DRC5: variants seen among roughly 807,000 people sequenced by gnomAD.
DRC5 encodes T-complex-associated testis-expressed protein 1.
the DRC5 span, among the ~76,000 whole-genome samples, chr6:44,285,478 C>T: frequency 5.0e-4 from 76 of 152,210 alleles, 1 homozygote; most frequent in Non-Finnish European, 9.6e-4. Flanking sequence ...CAGGCTTGAA[C>T]TCCGAGGCTC....
the DRC5 span, chr6:44,279,830 A>G: frequency 4.5e-6 from 1 of 220,180 alleles, no homozygotes; most frequent in African/African-American, 2.3e-5. Flanking sequence ...TAGAGAAGAA[A>G]ATGGTGGGGA....
At chr6:44,282,166 G>A in the DRC5 span, 1 of 1,614,212 alleles carries the variant, frequency 6.2e-7, no homozygotes, top group South Asian at 1.1e-5. Context: ...TTGATGGCGA[G>A]CACCTGTGAC....
chr6:44,281,655 G>C, the DRC5 span, among the ~76,000 whole-genome samples: 5 of 152,342 alleles, frequency 3.3e-5, no homozygotes, highest in East Asian at 9.6e-4. Context: ...AAAGTGCTGG[G>C]ATTACAGGCG....
At chr6:44,291,229 T>C in the DRC5 span, among the ~76,000 whole-genome samples, 2 of 152,218 alleles carry the variant, frequency 1.3e-5, no homozygotes. Context: ...TTGCATAAGA[T>C]CAGAGTTGAT....
At chr6:44,279,124 A>C in the DRC5 span, 1 of 152,282 alleles carries the variant, frequency 6.6e-6, no homozygotes, top group Admixed American at 6.5e-5. Flanking sequence ...TGGGCCAATG[A>C]ATCAGCCCAA....
chr6:44,287,844 A>G, the DRC5 span: 2 of 1,609,092 alleles, frequency 1.2e-6, no homozygotes, highest in Non-Finnish European at 1.7e-6. Flanking sequence ...CTGGCAAGGT[A>G]GGGGTGCGTG....
chr6:44,283,379 G>T, the DRC5 span, among the ~76,000 whole-genome samples: 1 of 152,174 alleles, frequency 6.6e-6, no homozygotes, highest in East Asian at 1.9e-4. Flanking sequence ...GGGAGGTGGA[G>T]AAGCAGGAAA....
At chr6:44,295,287 C>CAA in the DRC5 span, among the ~76,000 whole-genome samples, 2 of 152,170 alleles carry the variant, frequency 1.3e-5, no homozygotes, top group Admixed American at 1.3e-4. Flanking sequence ...GCTGCGCTCT[C>CAA]AGAGGGGGAA....
At chr6:44,294,655 G>A in the DRC5 span, among the ~76,000 whole-genome samples, 4 of 150,776 alleles carry the variant, frequency 2.7e-5, no homozygotes, top group African/African-American at 7.3e-5. Context: ...TGAAAGAGGT[G>A]GTTTATAAGA....
At chr6:44,297,493 C>T in the DRC5 span, among the ~76,000 whole-genome samples, 1 of 152,194 alleles carries the variant, frequency 6.6e-6, no homozygotes, top group Non-Finnish European at 1.5e-5. Flanking sequence ...GGGTACGGAC[C>T]GGCGCTTCCC....
the DRC5 span, chr6:44,280,231 GGCT>G: frequency 1.2e-6 from 2 of 1,614,130 alleles, no homozygotes; most frequent in African/African-American, 2.7e-5. Context: ...GACATGAAGT[GGCT>G]GGGATTCAGG....
chr6:44,287,091 TCAGA>T, the DRC5 span: 2 of 629,974 alleles, frequency 3.2e-6, no homozygotes, highest in Non-Finnish European at 4.0e-6. Context: ...GGCCCTGTCC[TCAGA>T]CAGCGCCCCA....
chr6:44,284,233 T>C, the DRC5 span, among the ~76,000 whole-genome samples: 1 of 151,948 alleles, frequency 6.6e-6, no homozygotes, highest in African/African-American at 2.4e-5. Flanking sequence ...CTAAATCCAG[T>C]CCTCAGCTCT....
chr6:44,282,622 ATCTTTGGCAAACTTG>A, the DRC5 span: 127 of 1,472,820 alleles, frequency 8.6e-5, no homozygotes, highest in African/African-American at 1.4e-3. Context: ...GCCCACCTAG[ATCTTTGGCAAACTTG>A]GCTCACCTAG....
the DRC5 span, among the ~76,000 whole-genome samples, chr6:44,293,297 C>A: frequency 8.4e-6 from 1 of 119,234 alleles, no homozygotes; most frequent in African/African-American, 3.3e-5. Flanking sequence ...CCTTTCAGAA[C>A]TATCCTCTCA....
the DRC5 span, chr6:44,282,393 AC>A: frequency 6.2e-7 from 1 of 1,614,170 alleles, no homozygotes; most frequent in Non-Finnish European, 8.5e-7. Flanking sequence ...CAGGTTGAGC[AC>A]ACGCAGGCGG....
At chr6:44,289,034 G>A in the DRC5 span, among the ~76,000 whole-genome samples, 13 of 111,792 alleles carry the variant, frequency 1.2e-4, no homozygotes, top group African/African-American at 3.3e-4. Flanking sequence ...AAAAACAGGT[G>A]AAATTAGCTT....
At chr6:44,291,541 T>G in the DRC5 span, among the ~76,000 whole-genome samples, 1 of 152,212 alleles carries the variant, frequency 6.6e-6, no homozygotes, top group Non-Finnish European at 1.5e-5. Context: ...TGCCACTCTC[T>G]TGGCTCTCCT....
chr6:44,286,559 G>C, the DRC5 span: 1 of 1,584,374 alleles, frequency 6.3e-7, no homozygotes. Context: ...AGGAGCGCAG[G>C]GGGTCACAGT....
Sources: allele counts gnomAD v4.1 joint callset (sites outside exome capture counted in the v4.1 genomes callset), GRCh38; gene constraint gnomAD v4.1.1; transcripts MANE v1.5; gene names NCBI Gene and HGNC (gene_info 2026-07-23, HGNC 2026-07-21).